BAG3: variants seen among roughly 807,000 people sequenced by gnomAD.
BAG3 encodes BAG family molecular chaperone regulator 3.
A neutral mutation model predicts 40.5 loss-of-function variants in BAG3; 14 were observed. The ratio of observed to expected loss-of-function variants is 0.35; its 90% CI spans 0.23 to 0.54. The LOEUF (loss-of-function observed/expected upper bound fraction) is 0.54. BAG3 is among the 20% of genes least tolerant of loss of function. BAG3 has a pLI of 0.91. For missense variants in BAG3, 788 were observed against 758.6 expected, an observed-to-expected ratio of 1.04 and a Z score of -0.46; for synonymous variants, 302 against 307.8, an observed-to-expected ratio of 0.98 and a Z score of 0.20.
intron 1 of BAG3, chr10:119,657,689 A>T (rs1846931887): frequency 4.5e-6 from 2 of 449,298 alleles, no homozygotes; most frequent in Non-Finnish European, 4.6e-6. Context: ...TGCACAAAGG[A>T]CTTCAGTATT....
chr10:119,665,960 A>G (rs949679483), intron 1 of BAG3, among the ~76,000 whole-genome samples: 1 of 152,176 alleles, frequency 6.6e-6, no homozygotes, highest in Non-Finnish European at 1.5e-5. Context: ...CTGTTGGAGA[A>G]GCAGCCAGGC....
Position 119,677,802 on chromosome 10 carries a change from T to A in BAG3, c.*520T>A, listed in dbSNP as rs886579358. On this transcript the variant is annotated 3_prime_UTR_variant, in exon 4 of 4. Coordinates refer to ENST00000369085, the MANE Select transcript of BAG3 (RefSeq NM_004281.4). Reference sequence around the variant, plus strand: ...TACATTTTAAAAAAAGAAAATAAAGTAATAATATAACTCAAAATGGTTTTT... The same window carrying A: ...TACATTTTAAAAAAAGAAAATAAAGAAATAATATAACTCAAAATGGTTTTT... The A allele has an allele frequency of 1.9e-5, 3 of 162,118 alleles. No individual in the cohort carries two copies. Among genetic ancestry groups the A allele is most frequent in the Admixed American group, 5.7e-5 (1 of 17,458 alleles). 10.0% of individuals were successfully genotyped at this position (162,118 alleles called of 1,614,324 possible).
intron 3 of BAG3, 86 bp from the exon 4 acceptor site, chr10:119,676,377 GT>G (rs1847234341): frequency 7.0e-7 from 1 of 1,427,538 alleles, no homozygotes; most frequent in African/African-American, 1.4e-5. Flanking sequence ...CCATTTCTCA[GT>G]TTTCTTTCTA....
rs927214130 is a variant in BAG3 at position 119,658,963 on chromosome 10, C to G, written c.180+7108C>G. 1.2e-4 allele frequency among the ~76,000 whole-genome samples: 19 copies of G among 152,296 alleles called. 1 individual carries two copies. Among genetic ancestry groups the G allele is most frequent in the African/African-American group, 4.6e-4 (19 of 41,552 alleles). ...TGGCCTCTCCACACAGCAGACTGTC[C>G]TGGCTGTCCGTGGGCCTTTCAGCTC... is the stretch of plus-strand genomic sequence containing the variant. On this transcript the variant is annotated intron_variant, in intron 1 of 3. Transcript: ENST00000369085.
At chr10:119,653,254 G>C (rs1408382513) in intron 1 of BAG3, among the ~76,000 whole-genome samples, 1 of 152,236 alleles carries the variant, frequency 6.6e-6, no homozygotes, top group African/African-American at 2.4e-5. Context: ...GATGGGCACA[G>C]TTACATATAC....
intron 1 of BAG3, among the ~76,000 whole-genome samples, chr10:119,663,090 T>G (rs892017388): frequency 2.0e-5 from 3 of 152,056 alleles, no homozygotes; most frequent in Admixed American, 6.6e-5. Flanking sequence ...CATTTTCGGG[T>G]TTCAGTGACC....
chr10:119,662,829 A>G (rs2134058287), intron 1 of BAG3, among the ~76,000 whole-genome samples: 1 of 152,264 alleles, frequency 6.6e-6, no homozygotes, highest in East Asian at 1.9e-4. Flanking sequence ...CCTGGCCAAT[A>G]TAGTGAAACC....
At chr10:119,652,196 G>C (rs929588156) in intron 1 of BAG3, among the ~76,000 whole-genome samples, 4 of 152,062 alleles carry the variant, frequency 2.6e-5, no homozygotes, top group Admixed American at 6.5e-5. Context: ...CTGGGAGAGG[G>C]GCGGCCGGCC....
intron 1 of BAG3, among the ~76,000 whole-genome samples, chr10:119,656,292 C>T (rs983513635): frequency 3.3e-5 from 5 of 152,142 alleles, no homozygotes; most frequent in African/African-American, 1.2e-4. Flanking sequence ...TGTTATTCTC[C>T]AGCCCCTCCT....
chr10:119,668,251 G>A (rs1446214117), intron 1 of BAG3, among the ~76,000 whole-genome samples: 1 of 152,248 alleles, frequency 6.6e-6, no homozygotes, highest in African/African-American at 2.4e-5. Context: ...CTAAACCAGG[G>A]TCAGCCACCT....
intron 1 of BAG3, among the ~76,000 whole-genome samples, chr10:119,669,116 C>T (rs1847104973): frequency 6.6e-6 from 1 of 152,142 alleles, no homozygotes; most frequent in Admixed American, 6.5e-5. Context: ...ACTGACTTAG[C>T]AGTGTCTTTT....
At chr10:119,659,538 G>A (rs1030536158) in intron 1 of BAG3, among the ~76,000 whole-genome samples, 10 of 152,320 alleles carry the variant, frequency 6.6e-5, no homozygotes, top group African/African-American at 2.4e-4. Flanking sequence ...GCTGTGGACC[G>A]AATGCTTGAG....
intron 1 of BAG3, among the ~76,000 whole-genome samples, chr10:119,661,979 C>T (rs1846996851): frequency 6.6e-6 from 1 of 152,084 alleles, no homozygotes; most frequent in African/African-American, 2.4e-5. Context: ...TTCATTCATG[C>T]ACCCCATCAT....
Position 119,677,279 on chromosome 10 carries a change from G to A in BAG3, c.1725G>A (p.Pro575=), listed in dbSNP as rs772087416. ...ACACCCCTGGTAACCCAGCAGCACC[G>A]TAGCCTCTGCCCTGTAAAAATCAGA... ...MTDTPGNPAA[P] is the part of the protein sequence containing the mutation. The change falls in exon 4 of 4, where the codon CCG becomes CCA. Residue 575 remains proline, a synonymous_variant. Transcript: ENST00000369085. The A allele has an allele frequency of 8.1e-6, 13 of 1,613,752 alleles. No individual in the cohort carries two copies. The highest frequency in any genetic ancestry group is 7.7e-5 in the South Asian group (7 of 91,056).
intron 1 of BAG3, among the ~76,000 whole-genome samples, chr10:119,665,199 C>T (rs1329265628): frequency 2.2e-5 from 3 of 138,820 alleles, no homozygotes; most frequent in South Asian, 2.3e-4. Flanking sequence ...TGCAGTGGTG[C>T]GATCTCGGCT....
chr10:119,664,260 C>T (rs1421270957), intron 1 of BAG3, among the ~76,000 whole-genome samples: 1 of 152,180 alleles, frequency 6.6e-6, no homozygotes. Flanking sequence ...TTTGACTCAT[C>T]TGGGGTCATT....
At chr10:119,658,596 T>C (rs1846947724) in intron 1 of BAG3, among the ~76,000 whole-genome samples, 1 of 152,226 alleles carries the variant, frequency 6.6e-6, no homozygotes. Flanking sequence ...TGCTGCATTT[T>C]ACCCCGGGAG....
intron 1 of BAG3, among the ~76,000 whole-genome samples, chr10:119,665,836 G>C (rs1415918124): frequency 2.0e-5 from 3 of 152,050 alleles, no homozygotes; most frequent in African/African-American, 7.3e-5. Flanking sequence ...CAGAGTAGAA[G>C]GGGAGCCTGG....
intron 1 of BAG3, among the ~76,000 whole-genome samples, chr10:119,663,612 GC>G (rs1191776670): frequency 6.6e-6 from 1 of 152,052 alleles, no homozygotes; most frequent in Non-Finnish European, 1.5e-5. Flanking sequence ...CCGGACCCGG[GC>G]CCTCCTCTTC....
Sources: allele counts gnomAD v4.1 joint callset (sites outside exome capture counted in the v4.1 genomes callset), GRCh38; gene constraint gnomAD v4.1.1; transcripts MANE v1.5; gene names NCBI Gene and HGNC (gene_info 2026-07-23, HGNC 2026-07-21).